The following ARHGAP32 variants were observed in gnomAD, a reference collection of about 807,000 sequenced individuals.
The protein encoded by ARHGAP32 is Rho GTPase activating protein 32.
Under a neutral mutation model 186.5 loss-of-function variants are expected in ARHGAP32, and 51 were observed. The observed-to-expected ratio is 0.27, with a 90% CI of 0.22 to 0.35. ARHGAP32 has a LOEUF of 0.35. Ranked by LOEUF, ARHGAP32 falls within the 10% of genes least tolerant of loss-of-function variation. ARHGAP32 has a pLI of 1.00. For synonymous variants in ARHGAP32, 950 were observed against 964.3 expected (o/e 0.99, Z 0.27); for missense variants, 2,186 against 2,623.5 (o/e 0.83, Z 3.64).
chr11:129,120,026 C>T (rs1335836122), intron 5 of ARHGAP32, among the ~76,000 whole-genome samples: 1 of 152,062 alleles, frequency 6.6e-6, no homozygotes, highest in African/African-American at 2.4e-5. Context: ...TAAAAAGTGA[C>T]ATGATTGGAC....
intron 11 of ARHGAP32, among the ~76,000 whole-genome samples, chr11:129,005,943 T>C (rs1591524867): frequency 6.6e-6 from 1 of 152,138 alleles, no homozygotes; most frequent in East Asian, 1.9e-4. Context: ...TCCTTTTGTC[T>C]CCTTTGTGTA....
At chr11:129,022,034 G>A (rs1362514007) in intron 11 of ARHGAP32, among the ~76,000 whole-genome samples, 1 of 152,018 alleles carries the variant, frequency 6.6e-6, no homozygotes, top group African/African-American at 2.4e-5. Context: ...TATTTTTCCA[G>A]GATGAACTAG....
At chr11:129,068,685 C>A (rs1276510940) in intron 6 of ARHGAP32, among the ~76,000 whole-genome samples, 1 of 151,970 alleles carries the variant, frequency 6.6e-6, no homozygotes, top group Non-Finnish European at 1.5e-5. Flanking sequence ...ATTAAGATTT[C>A]TTTTTGTATG....
intron 1 of ARHGAP32, among the ~76,000 whole-genome samples, chr11:129,189,321 G>A (rs1307973325): frequency 6.6e-6 from 1 of 152,058 alleles, no homozygotes; most frequent in Non-Finnish European, 1.5e-5. Context: ...GTGACTCTCT[G>A]AGCCATAAAT....
chr11:129,231,666 G>T (rs1944860614), intron 1 of ARHGAP32, among the ~76,000 whole-genome samples: 1 of 152,020 alleles, frequency 6.6e-6, no homozygotes, highest in Non-Finnish European at 1.5e-5. Flanking sequence ...CTGTATAAAG[G>T]TTTGTCAGTC....
chr11:129,063,744 C>G (rs1467567261), intron 9 of ARHGAP32, among the ~76,000 whole-genome samples, 158 bp downstream of exon 9: 1 of 151,758 alleles, frequency 6.6e-6, no homozygotes, highest in Non-Finnish European at 1.5e-5. Context: ...GTCACTTAAA[C>G]AAAAATAGAA....
chr11:129,232,631 T>C (rs1944873921), intron 1 of ARHGAP32, among the ~76,000 whole-genome samples: 1 of 152,132 alleles, frequency 6.6e-6, no homozygotes, highest in African/African-American at 2.4e-5. Flanking sequence ...AAAAAAGGTG[T>C]CAGCCAAGAT....
chr11:129,133,611 G>A lies in ARHGAP32; in HGVS notation c.226-8717C>T, dbSNP rs77662330. ...AGAAACCAGAAGACAGTGGAGCAAC[G>A]TCTATACAATTCGGAAAGAACTCTC... On this transcript the variant is annotated intron_variant, in intron 2 of 22. Coordinates refer to ENST00000682385, the MANE Select transcript of ARHGAP32 (RefSeq NM_001378024.1). 3.7e-4 allele frequency among the ~76,000 whole-genome samples: 57 copies of A among 152,276 alleles called. 1 individual carries two copies. In the East Asian group the frequency reaches 8.9e-3, roughly 24 times the overall value.
intron 1 of ARHGAP32, among the ~76,000 whole-genome samples, chr11:129,197,529 T>C (rs983876417): frequency 6.6e-6 from 1 of 152,208 alleles, no homozygotes; most frequent in Non-Finnish European, 1.5e-5. Flanking sequence ...GCTTCATGAA[T>C]ATGAATATAA....
rs1164010530 is a variant in ARHGAP32 at position 129,257,693 on chromosome 11, TTAA to T, written c.-5+21450_-5+21452del. Among the ~76,000 whole-genome samples, 5 of 103,494 alleles carry T rather than the reference TTAA, an allele frequency of 4.8e-5. No individual in the cohort carries two copies. The East Asian group carries it at 1.1e-3, about 23-fold the overall frequency. 67.9% of individuals were successfully genotyped at this position (103,494 alleles called of 152,430 possible). A position where few individuals can be genotyped will look rare whatever the true frequency, so the allele number is the denominator to read the frequency against. On this transcript the variant is annotated intron_variant, in intron 1 of 6. Coordinates refer to the ARHGAP32 transcript ENST00000525234. ...ATACTCAGTTCTTAGAAGCAGTAAG[TTAA>T]TAATTAACCAAAAAAAAAAAAAAAA...
chr11:128,985,033 T>G (rs1945821173), intron 15 of ARHGAP32, among the ~76,000 whole-genome samples: 1 of 152,224 alleles, frequency 6.6e-6, no homozygotes, highest in Admixed American at 6.5e-5. Context: ...AATTAGAATT[T>G]TTTTTTAAAT....
intron 5 of ARHGAP32, among the ~76,000 whole-genome samples, chr11:129,119,106 A>G (rs1416973138): frequency 6.6e-6 from 1 of 151,974 alleles, no homozygotes; most frequent in Non-Finnish European, 1.5e-5. Context: ...CCACCTTATC[A>G]CAACCTCAAT....
intron 1 of ARHGAP32, among the ~76,000 whole-genome samples, chr11:129,271,568 G>C (rs1416376324): frequency 6.6e-6 from 1 of 152,068 alleles, no homozygotes; most frequent in East Asian, 1.9e-4. Flanking sequence ...AGTTACAAGA[G>C]TCTAGAGCGC....
At position 128,993,749 on chromosome 11, in the gene ARHGAP32, T is replaced by C. The variant is rs544182503; in HGVS notation, c.1195+4570A>G. On this transcript the variant is annotated intron_variant, in intron 12 of 22. Coordinates refer to ENST00000682385, the MANE Select transcript of ARHGAP32 (RefSeq NM_001378024.1). The stretch of plus-strand genomic sequence containing the variant: ...TTCTGTTGCCTAGGCTGGAGTGCTA[T>C]GGTGTGATCATGGCTCACTGTATCC... Among the ~76,000 whole-genome samples the C allele has an allele frequency of 1.3e-4, 20 of 151,780 alleles. No homozygotes were observed. In the East Asian group the frequency reaches 2.3e-3, roughly 18 times the overall value.
intron 9 of ARHGAP32, 74 bp from the exon 10 acceptor site, chr11:129,062,431 T>A: frequency 1.6e-6 from 2 of 1,281,056 alleles, no homozygotes; most frequent in East Asian, 4.6e-5. Context: ...AGAATTTAAA[T>A]CCGAACTGTA....
At chr11:128,986,401 T>C in intron 14 of ARHGAP32, 123 bp downstream of exon 14, 1 of 1,076,456 alleles carries the variant, frequency 9.3e-7, no homozygotes, top group Non-Finnish European at 1.3e-6. Flanking sequence ...ATTTGTTTTT[T>C]TAAGGAGTCA....
intron 6 of ARHGAP32, among the ~76,000 whole-genome samples, chr11:129,076,953 G>A (rs958350818): frequency 1.1e-4 from 17 of 152,206 alleles, no homozygotes; most frequent in Admixed American, 2.0e-4. Flanking sequence ...GTGAAAGGGG[G>A]AAAGTCTGCC....
intron 1 of ARHGAP32, among the ~76,000 whole-genome samples, chr11:129,249,984 G>C (rs549609383): frequency 1.1e-4 from 17 of 151,924 alleles, no homozygotes; most frequent in Non-Finnish European, 2.2e-4. Flanking sequence ...AGGCTGATGC[G>C]GGAGGACCAC....
chr11:129,199,563 G>A (rs1012251901), intron 1 of ARHGAP32, among the ~76,000 whole-genome samples: 1 of 152,282 alleles, frequency 6.6e-6, no homozygotes, highest in Non-Finnish European at 1.5e-5. Flanking sequence ...GAGCCTGCAG[G>A]TGCACAAAAG....
Sources: gnomAD v4.1 joint callset for allele counts (sites outside exome capture counted in the v4.1 genomes callset) on GRCh38, gnomAD v4.1.1 for gene constraint, MANE v1.5 for transcripts, NCBI Gene and HGNC (gene_info 2026-07-23, HGNC 2026-07-21) for gene names.